MTUS2: variants seen among roughly 807,000 people sequenced by gnomAD.
The protein encoded by MTUS2 is microtubule associated scaffold protein 2.
Under a neutral mutation model 114.1 loss-of-function variants are expected in MTUS2, and 40 were observed. That is an observed-to-expected ratio of 0.35 (90% CI 0.27 to 0.46). The LOEUF (loss-of-function observed/expected upper bound fraction) is 0.46. Ranked by LOEUF, MTUS2 falls within the 20% of genes least tolerant of loss-of-function variation. The pLI, the probability that MTUS2 is intolerant of heterozygous loss-of-function variation, is 1.00. For synonymous variants in MTUS2, 688 were observed against 672.0 expected (o/e 1.02, Z -0.37); for missense variants, 1,679 against 1,705.4 (o/e 0.98, Z 0.27).
chr13:29,297,070 A>G (rs1055725588), intron 6 of MTUS2, among the ~76,000 whole-genome samples: 1 of 152,124 alleles, frequency 6.6e-6, no homozygotes, highest in Admixed American at 6.5e-5. Flanking sequence ...TAGTATTTTC[A>G]TAGTTTCAAG....
intron 6 of MTUS2, chr13:29,307,686 C>T (rs1160290483): frequency 8.8e-7 from 1 of 1,138,134 alleles, no homozygotes; most frequent in African/African-American, 1.5e-5. Context: ...GCATTGCCCT[C>T]AACGACCACT....
In MTUS2 at chr13:29,501,038, C is replaced by T. The variant is rs555185764; in HGVS notation, c.3799-59C>T. The T allele has an allele frequency of 5.9e-5, 82 of 1,393,558 alleles. No individual in the cohort carries two copies. The East Asian group carries it at 7.3e-4, about 12-fold the overall frequency. The allele number at this position is 1,393,558 out of a possible 1,614,324, so 86.3% of individuals were successfully genotyped here. ...CTCCAATGCCCAGAGCTGAGGGCACCGGTTTACTCCCGATTTTATGGCCTT... is the reference window on the plus strand; with the variant it reads ...CTCCAATGCCCAGAGCTGAGGGCACTGGTTTACTCCCGATTTTATGGCCTT... On this transcript the variant is annotated intron_variant, in intron 14 of 15. Transcript: ENST00000612955.
At chr13:29,328,067 A>AT (rs961883614) in intron 7 of MTUS2, among the ~76,000 whole-genome samples, 1 of 152,130 alleles carries the variant, frequency 6.6e-6, no homozygotes, top group African/African-American at 2.4e-5. Flanking sequence ...ATATTTTTCC[A>AT]TTTTTTAAAT....
intron 2 of MTUS2, among the ~76,000 whole-genome samples, chr13:28,861,050 A>G (rs999454940): frequency 6.6e-6 from 1 of 152,142 alleles, no homozygotes; most frequent in African/African-American, 2.4e-5. Context: ...TCTGCAGGGC[A>G]GGGACCAGGC....
chr13:28,953,822 G>A (rs1227250497), intron 2 of MTUS2, among the ~76,000 whole-genome samples: 1 of 151,970 alleles, frequency 6.6e-6, no homozygotes, highest in East Asian at 1.9e-4. Context: ...TTTACATATG[G>A]GGCAAGTAAG....
chr13:29,187,104 G>A (rs1173257283), intron 5 of MTUS2, among the ~76,000 whole-genome samples: 1 of 151,960 alleles, frequency 6.6e-6, no homozygotes, highest in African/African-American at 2.4e-5. Flanking sequence ...ATGTGATACA[G>A]CTAAAGCAGT....
intron 9 of MTUS2, among the ~76,000 whole-genome samples, chr13:29,470,594 A>G (rs1880213645): frequency 6.6e-6 from 1 of 152,188 alleles, no homozygotes; most frequent in African/African-American, 2.4e-5. Flanking sequence ...TCTGTTCTCC[A>G]TGCAACTACC....
At chr13:29,479,955 C>G in intron 9 of MTUS2, 195 bp from the exon 10 acceptor site, 1 of 516,074 alleles carries the variant, frequency 1.9e-6, no homozygotes, top group Non-Finnish European at 3.4e-6. Flanking sequence ...GCTGCAGCTT[C>G]TCAACATCCA....
intron 6 of MTUS2, 77 bp downstream of exon 6, chr13:29,281,942 T>C: frequency 7.0e-7 from 1 of 1,438,372 alleles, no homozygotes; most frequent in Non-Finnish European, 9.4e-7. Flanking sequence ...TGAAAGCCCC[T>C]GTGTACATCA....
At chr13:29,049,442 T>C (rs916608687) in intron 4 of MTUS2, among the ~76,000 whole-genome samples, 4 of 152,140 alleles carry the variant, frequency 2.6e-5, no homozygotes, top group African/African-American at 9.7e-5. Flanking sequence ...ATGCCAAACA[T>C]CATCTGGACA....
intron 2 of MTUS2, among the ~76,000 whole-genome samples, chr13:28,953,616 A>G (rs139040788): frequency 1.3e-5 from 2 of 152,254 alleles, no homozygotes; most frequent in East Asian, 1.9e-4. Context: ...TGCTTTTGCA[A>G]AATTTTAAAA....
chr13:29,333,646 A>G (rs1161070803), intron 7 of MTUS2, among the ~76,000 whole-genome samples: 2 of 152,188 alleles, frequency 1.3e-5, no homozygotes, highest in Non-Finnish European at 2.9e-5. Flanking sequence ...TGTGGTGCTG[A>G]GAAGAATGTA....
chr13:29,228,350 T>C (rs1163050444), intron 5 of MTUS2, among the ~76,000 whole-genome samples: 1 of 152,230 alleles, frequency 6.6e-6, no homozygotes, highest in Non-Finnish European at 1.5e-5. Flanking sequence ...ATATGGGATC[T>C]CACTCTGTTG....
Position 29,369,454 on chromosome 13 carries a change from C to G in MTUS2, c.3117+9981C>G, listed in dbSNP as rs534184392. Among the ~76,000 whole-genome samples, 132 of 152,266 alleles carry G rather than the reference C, an allele frequency of 8.7e-4. 1 individual carries two copies. The South Asian group carries it at 0.024, about 28-fold the overall frequency. On this transcript the variant is annotated intron_variant, in intron 8 of 15. Coordinates refer to ENST00000612955, the MANE Select transcript of MTUS2 (RefSeq NM_001033602.4). ...CCCTAAAGTGTCAACTACAGTCCTG[C>G]CTATTCCACAAACCTGATTGAAACG...
chr13:29,151,803 G>A (rs1217502653), intron 5 of MTUS2, among the ~76,000 whole-genome samples: 2 of 152,092 alleles, frequency 1.3e-5, no homozygotes, highest in East Asian at 3.8e-4. Context: ...TATGGTTTTT[G>A]TTTTTAATTC....
At chr13:29,022,879 C>A (rs1886351998) in intron 2 of MTUS2, among the ~76,000 whole-genome samples, 1 of 152,208 alleles carries the variant, frequency 6.6e-6, no homozygotes, top group Non-Finnish European at 1.5e-5. Flanking sequence ...CGCTGATCTT[C>A]CTCATCATTC....
At chr13:29,014,869 G>A (rs529504423) in intron 2 of MTUS2, among the ~76,000 whole-genome samples, 2 of 152,338 alleles carry the variant, frequency 1.3e-5, no homozygotes, top group South Asian at 4.1e-4. Context: ...CGTTAGAGAA[G>A]CAAGAGCAAA....
intron 9 of MTUS2, among the ~76,000 whole-genome samples, chr13:29,446,111 A>G (rs1053419305): frequency 1.3e-4 from 20 of 152,182 alleles, no homozygotes; most frequent in African/African-American, 4.8e-4. Context: ...AAAGGGAATC[A>G]TTATGAGTCA....
At chr13:28,849,340 A>G (rs1400924443) in intron 2 of MTUS2, among the ~76,000 whole-genome samples, 1 of 152,208 alleles carries the variant, frequency 6.6e-6, no homozygotes, top group Non-Finnish European at 1.5e-5. Context: ...GAGGGAGAAG[A>G]TAGAAAGTTA....
Sources: allele counts gnomAD v4.1 joint callset (sites outside exome capture counted in the v4.1 genomes callset), GRCh38; gene constraint gnomAD v4.1.1; transcripts MANE v1.5; gene names NCBI Gene and HGNC (gene_info 2026-07-23, HGNC 2026-07-21).